Variants in HNRNPR observed in about 807,000 individuals in gnomAD.
HNRNPR encodes the protein heterogeneous nuclear ribonucleoprotein R.
In HNRNPR, 4 loss-of-function variants were observed where a neutral mutation model predicts 70.3. The observed-to-expected ratio is 0.06, with a 90% CI of 0.03 to 0.13. The LOEUF (loss-of-function observed/expected upper bound fraction) is 0.13. Among genes scored for constraint, HNRNPR ranks in the 10% least tolerant of loss-of-function variants. HNRNPR has a pLI of 1.00. For synonymous variants in HNRNPR, 241 were observed against 267.6 expected (o/e 0.90, Z 0.97); for missense variants, 423 against 788.5 (o/e 0.54, Z 5.55).
chr1:23,319,432 T>G (rs909535511), intron 7 of HNRNPR, among the ~76,000 whole-genome samples: 2 of 152,200 alleles, frequency 1.3e-5, no homozygotes, highest in Non-Finnish European at 2.9e-5. Context: ...AAGCCAGAAA[T>G]TGGTTAGCCA....
chr1:23,321,622 C>G lies in HNRNPR; in HGVS notation c.717G>C (p.Val239=). ...YEIRPGKHLG[V]CISVANNRLF... ...GTCTGTTGTTTGCCACAGAAATGCA[C>G]ACTCCAAGGTGTTTACCAGGGCGAA... is the stretch of plus-strand genomic sequence containing the variant. The change falls in exon 7 of 11, where the codon GTG becomes GTC. Residue 239 remains valine, a synonymous_variant. Transcript: ENST00000302271. The G allele has an allele frequency of 6.2e-7, 1 of 1,613,798 alleles. No homozygotes were observed. Among genetic ancestry groups the G allele is most frequent in the Non-Finnish European group, 8.5e-7 (1 of 1,179,788 alleles).
chr1:23,319,930 G>C lies in HNRNPR; in HGVS notation c.812-1242C>G, dbSNP rs144078628. Among the ~76,000 whole-genome samples the C allele has an allele frequency of 4.7e-3, 721 of 152,270 alleles. 2 individuals carry two copies. The highest frequency in any genetic ancestry group is 7.7e-3 in the Non-Finnish European group (526 of 68,016). ...TGCTGGTTGACATGTCATCTTATCA[G>C]AAAAGTCTTCCAAAACCATGGAAAC... is the stretch of plus-strand genomic sequence containing the variant. On this transcript the variant is annotated intron_variant, in intron 7 of 10. Coordinates refer to ENST00000302271, the MANE Select transcript of HNRNPR (RefSeq NM_005826.5).
chr1:23,323,263 A>G (rs1409365997), intron 6 of HNRNPR, among the ~76,000 whole-genome samples: 2 of 151,298 alleles, frequency 1.3e-5, no homozygotes, highest in Non-Finnish European at 2.9e-5. Context: ...CTAAAACCAA[A>G]AGACAGAAAT....
rs1645270250 is a variant in HNRNPR at position 23,309,949 on chromosome 1, C to T, written c.*505G>A. Reference sequence around the variant, plus strand: ...GTGAAGTTATAACAATTTAAAAACACAGTTAACCTACTTCTAGGAATGCAA... The same window carrying T: ...GTGAAGTTATAACAATTTAAAAACATAGTTAACCTACTTCTAGGAATGCAA... On this transcript the variant is annotated 3_prime_UTR_variant, in exon 11 of 11. Transcript: ENST00000302271. 1 of 152,620 alleles carries T rather than the reference C, an allele frequency of 6.6e-6. No homozygotes were observed. Among genetic ancestry groups the T allele is most frequent in the Non-Finnish European group, 1.5e-5 (1 of 68,044 alleles). 9.5% of individuals were successfully genotyped at this position (152,620 alleles called of 1,614,324 possible).
chr1:23,315,137 G>A (rs1271125128), intron 8 of HNRNPR, among the ~76,000 whole-genome samples: 3 of 151,786 alleles, frequency 2.0e-5, no homozygotes, highest in Admixed American at 6.6e-5. Flanking sequence ...AAAATTAGCC[G>A]GGCGTGGTAG....
chr1:23,318,558 T>C lies in HNRNPR; in HGVS notation c.942A>G (p.Val314=), dbSNP rs1395724780. ...QARRRLMSGK[V]KVWGNVVTVE... ...CTGTAACTACATTTCCCCACACTTT[T>C]ACTTTTCCACTCATCAGCCGGCGTC... Residue 314 remains valine, a synonymous_variant, in exon 8 of 11, where the codon GTA becomes GTG. Coordinates refer to ENST00000302271, the MANE Select transcript of HNRNPR (RefSeq NM_005826.5). This position sits in a 1 kb window ranked among gnomAD's most constrained non-coding sequence, Gnocchi z 4.2. 1.2e-6 allele frequency: 2 copies of C among 1,614,120 alleles called. No individual in the cohort carries two copies. The highest frequency in any genetic ancestry group is 1.1e-5 in the South Asian group (1 of 91,084).
chr1:23,333,033 T>C (rs1230958476), intron 5 of HNRNPR, among the ~76,000 whole-genome samples: 1 of 151,878 alleles, frequency 6.6e-6, no homozygotes, highest in African/African-American at 2.4e-5. Flanking sequence ...AAATACAAAA[T>C]TAGCCAGGTG....
At chr1:23,331,863 G>A (rs1048395193) in intron 5 of HNRNPR, among the ~76,000 whole-genome samples, 48 of 34,692 alleles carry the variant, frequency 1.4e-3, no homozygotes, top group South Asian at 7.6e-3. Context: ...AAAAAAAAAA[G>A]GTCCCTGGTG....
At chr1:23,316,351 A>C (rs951855786) in intron 8 of HNRNPR, among the ~76,000 whole-genome samples, 2 of 152,134 alleles carry the variant, frequency 1.3e-5, no homozygotes, top group Admixed American at 1.3e-4. Context: ...ATAATATTTA[A>C]TCCTAAGTTT....
chr1:23,332,653 T>C (rs535685237), intron 5 of HNRNPR, among the ~76,000 whole-genome samples: 2 of 147,946 alleles, frequency 1.4e-5, no homozygotes, highest in Admixed American at 6.7e-5. Context: ...TGAGCCGAGA[T>C]TGCACCATTG....
In HNRNPR at chr1:23,318,811, T is replaced by G; in HGVS notation, c.812-123A>C. 1 of 779,580 alleles carries G rather than the reference T, an allele frequency of 1.3e-6. No individual in the cohort carries two copies. Among genetic ancestry groups the G allele is most frequent in the South Asian group, 1.8e-5 (1 of 56,634 alleles). 48.3% of individuals were successfully genotyped at this position (779,580 alleles called of 1,614,324 possible). A position where few individuals can be genotyped will look rare whatever the true frequency, so the allele number is the denominator to read the frequency against. On this transcript the variant is annotated intron_variant, in intron 7 of 10. Coordinates refer to ENST00000302271, the MANE Select transcript of HNRNPR (RefSeq NM_005826.5). The surrounding 1 kb of genome is among the most constrained non-coding windows in gnomAD (Gnocchi z 4.2). ...GTGAAGCAGCCTCAACATGAGTCACTAATTTTGTAGACAATTAGATCAACA... is the reference window on the plus strand; with the variant it reads ...GTGAAGCAGCCTCAACATGAGTCACGAATTTTGTAGACAATTAGATCAACA...
chr1:23,331,834 T>TAAAAAAAAAAAAAA lies in HNRNPR; in HGVS notation c.498+1670_498+1683dup, dbSNP rs59006948. ...CTGGGTGACAGTGAGACTGTTTCTT[T>TAAAAAAAAAAAAAA]AAAAAAAAAAAAAAAAAAAAAAAAA... On this transcript the variant is annotated intron_variant, in intron 5 of 10. Transcript: ENST00000302271. Among the ~76,000 whole-genome samples, 95 of 59,266 alleles carry TAAAAAAAAAAAAAA rather than the reference T, an allele frequency of 1.6e-3. 5 individuals are homozygous for TAAAAAAAAAAAAAA. The highest frequency in any genetic ancestry group is 3.9e-3 in the African/African-American group (85 of 21,796). 38.9% of individuals were successfully genotyped at this position (59,266 alleles called of 152,430 possible).
chr1:23,311,823 C>T (rs891822160), intron 9 of HNRNPR: 1 of 152,592 alleles, frequency 6.6e-6, no homozygotes, highest in African/African-American at 2.4e-5. Flanking sequence ...GTGAGATTAT[C>T]TGTAAAATTC....
chr1:23,331,992 C>T (rs542489363), intron 5 of HNRNPR, among the ~76,000 whole-genome samples: 16 of 151,824 alleles, frequency 1.1e-4, no homozygotes, highest in Non-Finnish European at 1.5e-4. Flanking sequence ...ATTAGCCAGG[C>T]GTGGTGGCAG....
intron 5 of HNRNPR, among the ~76,000 whole-genome samples, chr1:23,324,393 C>G (rs963926818): frequency 4.0e-5 from 6 of 151,844 alleles, no homozygotes; most frequent in Non-Finnish European, 8.8e-5. Context: ...ATGGTGAAAC[C>G]CCGTCTCCAC....
At position 23,304,748 on chromosome 1, in the gene HNRNPR, T is replaced by C. The variant is rs1645179018; in HGVS notation, c.*5706A>G. On this transcript the variant is annotated 3_prime_UTR_variant, in exon 11 of 11. Coordinates refer to ENST00000302271, the MANE Select transcript of HNRNPR (RefSeq NM_005826.5). ...CATCGTACAAATATTCCAATACAGT[T>C]ATGGTACATGAACACTGTACCAAAA... The C allele has an allele frequency of 6.6e-6, 1 of 152,220 alleles. No individual in the cohort carries two copies. Among genetic ancestry groups the C allele is most frequent in the Admixed American group, 6.5e-5 (1 of 15,280 alleles). 9.4% of individuals were successfully genotyped at this position (152,220 alleles called of 1,614,324 possible).
At chr1:23,339,090 T>A (rs1646614831) in intron 2 of HNRNPR, among the ~76,000 whole-genome samples, 2 of 152,222 alleles carry the variant, frequency 1.3e-5, no homozygotes, top group African/African-American at 4.8e-5. Flanking sequence ...ACTAAGTAAT[T>A]CTTTCCACTC....
chr1:23,333,398 TAAC>T, intron 5 of HNRNPR, 117 bp downstream of exon 5: 2 of 593,932 alleles, frequency 3.4e-6, no homozygotes, highest in Non-Finnish European at 3.0e-6. Context: ...ATCTAAAAAC[TAAC>T]AACAGCTACA....
chr1:23,308,201 G>A lies in HNRNPR; in HGVS notation c.*2253C>T, dbSNP rs1645233942. On this transcript the variant is annotated 3_prime_UTR_variant, in exon 11 of 11. Coordinates refer to ENST00000302271, the MANE Select transcript of HNRNPR (RefSeq NM_005826.5). The stretch of plus-strand genomic sequence containing the variant: ...TTAATTAGTGAAAAGGACAGAGGAG[G>A]AGGTGGCCACTTTAAAATTCAAAAT... 1 of 152,034 alleles carries A rather than the reference G, an allele frequency of 6.6e-6. No homozygotes were observed. Among genetic ancestry groups the A allele is most frequent in the African/African-American group, 2.4e-5 (1 of 41,432 alleles). 9.4% of individuals were successfully genotyped at this position (152,034 alleles called of 1,614,324 possible).
Sources: gnomAD v4.1 joint callset for allele counts (sites outside exome capture counted in the v4.1 genomes callset) on GRCh38, gnomAD v4.1.1 for gene constraint, Gnocchi (gnomAD v3.1) non-coding constraint, MANE v1.5 for transcripts, NCBI Gene and HGNC (gene_info 2026-07-23, HGNC 2026-07-21) for gene names.